STK3: variants seen among roughly 807,000 people sequenced by gnomAD.
STK3 encodes serine/threonine-protein kinase 3.
In STK3, 41 loss-of-function variants were observed where a neutral mutation model predicts 58.0. That is an observed-to-expected ratio of 0.71 (90% CI 0.55 to 0.92). The LOEUF (loss-of-function observed/expected upper bound fraction) is 0.92, where lower values mean the gene tolerates loss of function less well. STK3 is among the 40% of genes least tolerant of loss of function. The pLI is 0.00. For missense variants in STK3, 479 were observed against 602.7 expected, an observed-to-expected ratio of 0.79 and a Z score of 2.15; for synonymous variants, 170 against 191.0, an observed-to-expected ratio of 0.89 and a Z score of 0.91.
chr8:98,674,868 T>C (rs1033431103), intron 6 of STK3, among the ~76,000 whole-genome samples: 1 of 152,240 alleles, frequency 6.6e-6, no homozygotes, highest in Admixed American at 6.5e-5. Context: ...TAAATTTCTA[T>C]TAAATGTGTT....
chr8:98,391,709 G>A (rs910751923), upstream of STK3, among the ~76,000 whole-genome samples: 8 of 152,092 alleles, frequency 5.3e-5, no homozygotes, highest in African/African-American at 1.2e-4. Context: ...ATAGCATCTC[G>A]TGCAGTCTTT....
intron 4 of STK3, among the ~76,000 whole-genome samples, chr8:98,741,510 A>G (rs1829206394): frequency 6.6e-6 from 1 of 152,248 alleles, no homozygotes; most frequent in Non-Finnish European, 1.5e-5. Flanking sequence ...GTACATAATG[A>G]AACGAAGGCA....
chr8:98,921,313 T>G (rs1839551809), intron 1 of STK3: 1 of 152,076 alleles, frequency 6.6e-6, no homozygotes, highest in African/African-American at 2.4e-5. Context: ...ATGTTGAATC[T>G]TGAGAGCTTG....
intron 4 of STK3, among the ~76,000 whole-genome samples, chr8:98,712,254 A>C (rs760159244): frequency 8.3e-4 from 127 of 152,316 alleles, no homozygotes; most frequent in African/African-American, 2.7e-3. Flanking sequence ...CTAACATCAT[A>C]ATGACAGGAT....
At chr8:98,647,669 G>C (rs575326163) in intron 6 of STK3, among the ~76,000 whole-genome samples, 8 of 152,246 alleles carry the variant, frequency 5.3e-5, no homozygotes, top group Non-Finnish European at 5.9e-5. Context: ...ACCACGCCCA[G>C]ATAATTTCTG....
intron 10 of STK3, among the ~76,000 whole-genome samples, chr8:98,477,970 G>A (rs968089385): frequency 1.3e-4 from 20 of 152,104 alleles, no homozygotes; most frequent in African/African-American, 4.6e-4. Context: ...CCCTGGTTGA[G>A]AACCAGCAGT....
chr8:98,713,864 C>A (rs1474708996), intron 4 of STK3, among the ~76,000 whole-genome samples: 1 of 152,026 alleles, frequency 6.6e-6, no homozygotes, highest in African/African-American at 2.4e-5. Context: ...TGATGAACAT[C>A]GATGCAAAAA....
chr8:98,558,436 G>A (rs1410057115), intron 8 of STK3, among the ~76,000 whole-genome samples: 4 of 152,040 alleles, frequency 2.6e-5, no homozygotes, highest in African/African-American at 9.6e-5. Flanking sequence ...TGTTCCTCAA[G>A]GACAACAAAT....
At chr8:98,708,222 T>G (rs1563914836) in intron 4 of STK3, among the ~76,000 whole-genome samples, 2 of 152,072 alleles carry the variant, frequency 1.3e-5, no homozygotes, top group Non-Finnish European at 2.9e-5. Flanking sequence ...ATCATAATAG[T>G]GATTTCCCAC....
At chr8:98,587,802 T>A (rs1411611554) in intron 7 of STK3, among the ~76,000 whole-genome samples, 1 of 152,166 alleles carries the variant, frequency 6.6e-6, no homozygotes, top group African/African-American at 2.4e-5. Flanking sequence ...TGCATATATA[T>A]TTAGTATAGT....
chr8:98,882,421 T>C (rs1837829946), downstream of STK3: 1 of 55,938 alleles, frequency 1.8e-5, no homozygotes, highest in Non-Finnish European at 3.0e-5. Flanking sequence ...CCTTTTTTTT[T>C]TGTTTTTTTT....
chr8:98,913,628 A>T (rs1429850999), intron 1 of STK3, among the ~76,000 whole-genome samples: 1 of 152,278 alleles, frequency 6.6e-6, no homozygotes, highest in Non-Finnish European at 1.5e-5. Flanking sequence ...ATTTTCACAT[A>T]GGTATTTCAG....
chr8:98,883,650 T>C (rs997001739), downstream of STK3: 1 of 702,988 alleles, frequency 1.4e-6, no homozygotes, highest in Admixed American at 2.0e-5. Flanking sequence ...TCTTTACCTG[T>C]CTTGCTTGTT....
chr8:98,613,119 T>C (rs1438677345), intron 6 of STK3, among the ~76,000 whole-genome samples: 2 of 152,132 alleles, frequency 1.3e-5, no homozygotes, highest in Admixed American at 6.6e-5. Flanking sequence ...TCAGCAATAA[T>C]GAGGAGCCAC....
At chr8:98,418,976 G>T (rs1818142690) in intron 3 of STK3, among the ~76,000 whole-genome samples, 1 of 152,214 alleles carries the variant, frequency 6.6e-6, no homozygotes, top group African/African-American at 2.4e-5. Context: ...ATGGTGTTGT[G>T]TGCAGCACTG....
chr8:98,681,477 T>C (rs1314814889), intron 6 of STK3, among the ~76,000 whole-genome samples: 1 of 152,106 alleles, frequency 6.6e-6, no homozygotes, highest in Non-Finnish European at 1.5e-5. Context: ...AATGTTTAAG[T>C]GTTAAAGCCT....
chr8:98,628,981 A>C (rs1330589901), intron 6 of STK3, among the ~76,000 whole-genome samples: 4 of 152,176 alleles, frequency 2.6e-5, no homozygotes, highest in Non-Finnish European at 5.9e-5. Flanking sequence ...GAAGCCTGGA[A>C]ACCTGGATGG....
rs1032922941 is a variant in STK3 at position 98,506,607 on chromosome 8, A to G, written c.1317+20135T>C. Among the ~76,000 whole-genome samples the G allele has an allele frequency of 7.9e-5, 12 of 152,144 alleles. 1 individual carries two copies. Among genetic ancestry groups the G allele is most frequent in the Non-Finnish European group, 1.8e-4 (12 of 68,004 alleles). Reference sequence around the variant, plus strand: ...ATGCCCATAATCCCAGCTACTTGGGAGGCTGAGGCAAGAGAACTGCTTGAA... The same window carrying G: ...ATGCCCATAATCCCAGCTACTTGGGGGGCTGAGGCAAGAGAACTGCTTGAA... On this transcript the variant is annotated intron_variant, in intron 10 of 10. Transcript: ENST00000419617.
intron 2 of STK3, among the ~76,000 whole-genome samples, chr8:98,772,983 C>T (rs1831416670): frequency 7.0e-6 from 1 of 143,568 alleles, no homozygotes; most frequent in Non-Finnish European, 1.6e-5. Context: ...CTGTAAAAAT[C>T]TCTTATTTTT....
Sources: allele counts gnomAD v4.1 joint callset (sites outside exome capture counted in the v4.1 genomes callset), GRCh38; gene constraint gnomAD v4.1.1; transcripts MANE v1.5; gene names NCBI Gene and HGNC (gene_info 2026-07-23, HGNC 2026-07-21).